PTPRN2: variants seen among roughly 807,000 people sequenced by gnomAD.
The protein encoded by PTPRN2 is protein tyrosine phosphatase receptor type N2, also known as receptor-type tyrosine-protein phosphatase N2.
PTPRN2 carries 74 observed loss-of-function variants against 118.8 expected under a neutral mutation model. The observed-to-expected ratio is 0.62, with a 90% CI of 0.52 to 0.76. The LOEUF is 0.76. PTPRN2 is among the 30% of genes least tolerant of loss of function. The pLI is 0.00. For missense variants in PTPRN2, 1,481 were observed against 1,394.4 expected (o/e 1.06, Z -0.99); for synonymous variants, 641 against 608.0 (o/e 1.05, Z -0.80).
intron 1 of PTPRN2, among the ~76,000 whole-genome samples, chr7:158,577,638 T>C (rs1828412308): frequency 6.6e-6 from 1 of 152,252 alleles, no homozygotes; most frequent in South Asian, 2.1e-4. Context: ...AAGTGAGCAC[T>C]CACCTTGTCT....
intron 12 of PTPRN2, among the ~76,000 whole-genome samples, chr7:157,829,737 G>C (rs112353435): frequency 6.6e-6 from 1 of 152,202 alleles, no homozygotes. Flanking sequence ...CCAGAGGGCC[G>C]GGAGAGCAGC....
intron 3 of PTPRN2, among the ~76,000 whole-genome samples, chr7:158,283,414 CAG>C (rs974358270): frequency 6.6e-6 from 1 of 152,134 alleles, no homozygotes; most frequent in African/African-American, 2.4e-5. Context: ...GGGCAGGAGA[CAG>C]AGCAAAACCA....
intron 2 of PTPRN2, among the ~76,000 whole-genome samples, chr7:158,486,027 CTTTG>C (rs957875713): frequency 3.9e-5 from 6 of 152,206 alleles, no homozygotes; most frequent in African/African-American, 7.2e-5. Context: ...AAGCATTCTC[CTTTG>C]TTTAATATTA....
chr7:157,601,169 C>T, intron 16 of PTPRN2, among the ~76,000 whole-genome samples: 1 of 152,164 alleles, frequency 6.6e-6, no homozygotes, highest in Non-Finnish European at 1.5e-5. Flanking sequence ...CGAGGGAAAA[C>T]AGAATTCCCA....
intron 9 of PTPRN2, among the ~76,000 whole-genome samples, chr7:158,112,672 G>A (rs1011559741): frequency 4.6e-5 from 7 of 152,286 alleles, no homozygotes; most frequent in Non-Finnish European, 7.4e-5. Flanking sequence ...CCAGCAGGGC[G>A]TCCAGGCTAG....
chr7:158,439,210 G>A (rs1816796932), intron 2 of PTPRN2, among the ~76,000 whole-genome samples: 1 of 152,114 alleles, frequency 6.6e-6, no homozygotes, highest in Non-Finnish European at 1.5e-5. Flanking sequence ...AAAGCAAACT[G>A]TGCCCCCGAC....
chr7:157,557,364 A>G (rs1017537973), intron 21 of PTPRN2, among the ~76,000 whole-genome samples: 2 of 152,050 alleles, frequency 1.3e-5, no homozygotes, highest in Non-Finnish European at 2.9e-5. Context: ...ACCTACATTC[A>G]GGATCACACA....
chr7:158,146,407 G>C (rs992644911), intron 6 of PTPRN2, among the ~76,000 whole-genome samples: 3 of 152,178 alleles, frequency 2.0e-5, no homozygotes, highest in South Asian at 4.2e-4. Context: ...TGTGATCAAA[G>C]CCTGGGAACA....
In PTPRN2 at chr7:157,622,810, T is replaced by C. The variant is rs962401143; in HGVS notation, c.2197-1301A>G. ...ACTGTCACCCCCACCATGGCCCTGCTTGAGCTAGTTGGGAAAAGCAGAGGG... is the reference window on the plus strand; with the variant it reads ...ACTGTCACCCCCACCATGGCCCTGCCTGAGCTAGTTGGGAAAAGCAGAGGG... On this transcript the variant is annotated intron_variant, in intron 14 of 22. Transcript: ENST00000389418. This position sits in a 1 kb window ranked among gnomAD's most constrained non-coding sequence, Gnocchi z 5.3. Among the ~76,000 whole-genome samples, 30 of 152,182 alleles carry C rather than the reference T, an allele frequency of 2.0e-4. No homozygotes were observed. Among genetic ancestry groups the C allele is most frequent in the African/African-American group, 7.0e-4 (29 of 41,442 alleles).
rs570094572 is a variant in PTPRN2, at chr7:157,710,566, A to G, written c.1789-27629T>C. 1.5e-3 allele frequency among the ~76,000 whole-genome samples: 218 copies of G among 145,230 alleles called. 2 individuals carry two copies. Among genetic ancestry groups the G allele is most frequent in the Non-Finnish European group, 2.5e-3 (166 of 67,106 alleles). ...GTCCCGCTGCAGAAGAACCCTGTGCAGTGAGGGCCACAGGCCTGGGACCCC... is the reference window on the plus strand; with the variant it reads ...GTCCCGCTGCAGAAGAACCCTGTGCGGTGAGGGCCACAGGCCTGGGACCCC... On this transcript the variant is annotated intron_variant, in intron 12 of 22. Transcript: ENST00000389418.
chr7:158,476,989 C>G (rs1820318591), intron 2 of PTPRN2, among the ~76,000 whole-genome samples: 1 of 152,256 alleles, frequency 6.6e-6, no homozygotes. Context: ...AATATCACGT[C>G]ACTTTTTCTG....
chr7:157,888,901 T>A (rs1796638569), intron 12 of PTPRN2, among the ~76,000 whole-genome samples: 1 of 152,192 alleles, frequency 6.6e-6, no homozygotes. Context: ...GACACACACA[T>A]TGTTCCAATA....
At chr7:158,312,712 C>A (rs1428053952) in intron 3 of PTPRN2, among the ~76,000 whole-genome samples, 1 of 69,552 alleles carries the variant, frequency 1.4e-5, no homozygotes, top group Non-Finnish European at 3.3e-5. Flanking sequence ...TTCACGTGCT[C>A]ACATATAGAT....
intron 12 of PTPRN2, among the ~76,000 whole-genome samples, chr7:157,816,615 G>A (rs745444356): frequency 1.6e-4 from 25 of 152,214 alleles, no homozygotes; most frequent in Non-Finnish European, 2.1e-4. Context: ...GGAGGGGCCC[G>A]GGGGCAGGCA....
chr7:157,866,832 C>T (rs1318249341), intron 12 of PTPRN2, among the ~76,000 whole-genome samples: 1 of 105,808 alleles, frequency 9.5e-6, no homozygotes, highest in African/African-American at 3.7e-5. Flanking sequence ...CCACCACCGC[C>T]CCCCCCCGAC....
intron 11 of PTPRN2, among the ~76,000 whole-genome samples, chr7:157,995,188 C>T (rs747037184): frequency 7.9e-5 from 12 of 151,412 alleles, no homozygotes; most frequent in South Asian, 4.3e-4. Flanking sequence ...GCTTACAACT[C>T]CTTGTTCTAA....
chr7:158,342,262 A>G lies in PTPRN2; in HGVS notation c.164-25330T>C, dbSNP rs1460585753. ...ATAAGAGCTGACGCCCGCAGACGTC[A>G]CTCACACCCACACTCTCACCATAGA... On this transcript the variant is annotated intron_variant, in intron 2 of 22. Coordinates refer to ENST00000389418, the MANE Select transcript of PTPRN2 (RefSeq NM_002847.5). Among the ~76,000 whole-genome samples, 302 of 123,296 alleles carry G rather than the reference A, an allele frequency of 2.4e-3. 1 individual carries two copies. The highest frequency in any genetic ancestry group is 4.0e-3 in the Non-Finnish European group (243 of 60,954). The allele number at this position is 123,296 out of a possible 152,430, so 80.9% of individuals were successfully genotyped here.
chr7:158,530,549 G>A (rs1455283180), intron 1 of PTPRN2, among the ~76,000 whole-genome samples: 3 of 152,304 alleles, frequency 2.0e-5, no homozygotes, highest in East Asian at 3.9e-4. Flanking sequence ...AGGCGGGGGG[G>A]GTTCCATGTG....
intron 12 of PTPRN2, among the ~76,000 whole-genome samples, chr7:157,693,739 C>T (rs923308966): frequency 3.5e-4 from 54 of 152,300 alleles, no homozygotes; most frequent in African/African-American, 1.3e-3. Flanking sequence ...CCTCCCCGCC[C>T]GCGGCGACCT....
Sources: gnomAD v4.1 joint callset for allele counts (sites outside exome capture counted in the v4.1 genomes callset) on GRCh38, gnomAD v4.1.1 for gene constraint, Gnocchi (gnomAD v3.1) non-coding constraint, MANE v1.5 for transcripts, NCBI Gene and HGNC (gene_info 2026-07-23, HGNC 2026-07-21) for gene names.